LARGE1: variants seen among roughly 807,000 people sequenced by gnomAD.
LARGE1 encodes LARGE xylosyl- and glucuronyltransferase 1, also known as xylosyl- and glucuronyltransferase LARGE1.
LARGE1 carries 43 observed loss-of-function variants against 87.6 expected under a neutral mutation model. The ratio of observed to expected loss-of-function variants is 0.49; its 90% CI spans 0.38 to 0.63. The LOEUF is 0.63. Among genes scored for constraint, LARGE1 ranks in the 30% least tolerant of loss-of-function variants. The probability of loss-of-function intolerance (pLI) is 0.00; values close to 1 mark genes in which losing one functional copy is unlikely to be tolerated. For synonymous variants in LARGE1, 434 were observed against 394.6 expected (o/e 1.10, Z -1.18); for missense variants, 802 against 1,000.2 (o/e 0.80, Z 2.67).
At chr22:33,328,297 T>C (rs1937414819) in intron 10 of LARGE1, among the ~76,000 whole-genome samples, 1 of 152,154 alleles carries the variant, frequency 6.6e-6, no homozygotes, top group South Asian at 2.1e-4. Flanking sequence ...CTGTATAAAA[T>C]GGAGATAACA....
chr22:33,843,698 G>A (rs1239328466), intron 1 of LARGE1, among the ~76,000 whole-genome samples: 2 of 151,992 alleles, frequency 1.3e-5, no homozygotes, highest in African/African-American at 4.8e-5. Context: ...TTATCCTGCA[G>A]GTTTGAGTGC....
intron 6 of LARGE1, among the ~76,000 whole-genome samples, chr22:33,472,881 A>G (rs1445755026): frequency 6.6e-6 from 1 of 152,214 alleles, no homozygotes; most frequent in African/African-American, 2.4e-5. Flanking sequence ...GCAGCATCTG[A>G]GTCATCAAAC....
At chr22:33,676,372 C>CAAAA (rs10567981) in intron 2 of LARGE1, among the ~76,000 whole-genome samples, 210 of 16,328 alleles carry the variant, frequency 0.013, 46 homozygotes, top group Non-Finnish European at 0.022. Flanking sequence ...GATTCAATGG[C>CAAAA]AAAAAAAAAA....
chr22:33,200,874 A>G (rs1252580626), intron 11 of LARGE1, among the ~76,000 whole-genome samples: 1 of 152,230 alleles, frequency 6.6e-6, no homozygotes, highest in African/African-American at 2.4e-5. Flanking sequence ...ATATTCTGGA[A>G]TTAGACAGTG....
intron 3 of LARGE1, among the ~76,000 whole-genome samples, chr22:33,644,596 C>T (rs1321684192): frequency 2.0e-5 from 3 of 152,140 alleles, no homozygotes; most frequent in African/African-American, 7.2e-5. Flanking sequence ...AAAGGGTATT[C>T]AAACAGGAAG....
chr22:33,694,100 TGACATTAGC>T (rs1395231458), intron 2 of LARGE1, among the ~76,000 whole-genome samples: 1 of 152,166 alleles, frequency 6.6e-6, no homozygotes, highest in Non-Finnish European at 1.5e-5. Context: ...TTTTTCCTGG[TGACATTAGC>T]AGCTTGTCAA....
chr22:33,851,642 G>A lies in LARGE1; in HGVS notation c.-83+68353C>T, dbSNP rs184156172. Reference sequence around the variant, plus strand: ...GGGTTCATTGGTTCACTGCAGCAAGGTGGACACTACAACAGGCAGAATTTC... The same window carrying A: ...GGGTTCATTGGTTCACTGCAGCAAGATGGACACTACAACAGGCAGAATTTC... On this transcript the variant is annotated intron_variant, in intron 1 of 14. Coordinates refer to ENST00000397394, the MANE Select transcript of LARGE1 (RefSeq NM_133642.5). 9.8e-5 allele frequency among the ~76,000 whole-genome samples: 15 copies of A among 152,342 alleles called. No homozygotes were observed. The East Asian group carries it at 2.9e-3, about 29-fold the overall frequency.
intron 1 of LARGE1, among the ~76,000 whole-genome samples, chr22:33,785,423 A>G (rs73170589): frequency 0.27 from 41,516 of 151,824 alleles, 6,403 homozygotes; most frequent in South Asian, 0.41. Context: ...ATCTCACCCC[A>G]GGCCTGCCTG....
intron 11 of LARGE1, among the ~76,000 whole-genome samples, chr22:33,170,238 G>T (rs896420461): frequency 1.5e-4 from 23 of 151,704 alleles, no homozygotes; most frequent in Non-Finnish European, 2.8e-4. Context: ...GCATGGTGGT[G>T]CACATCTGTA....
Position 33,299,444 on chromosome 22 carries a change from C to A in LARGE1, c.1730+4785G>T, listed in dbSNP as rs114789654. On this transcript the variant is annotated intron_variant, in intron 12 of 14. Coordinates refer to ENST00000397394, the MANE Select transcript of LARGE1 (RefSeq NM_133642.5). ...CTGCCTGACACATAGTACATGCTCA[C>A]TACACAGTTTTTGAAAGAATGAGTA... Among the ~76,000 whole-genome samples the A allele has an allele frequency of 7.4e-3, 1,119 of 152,198 alleles. 18 individuals are homozygous for A. Among genetic ancestry groups the A allele is most frequent in the African/African-American group, 0.026 (1,075 of 41,498 alleles).
At chr22:33,079,010 G>A in the LARGE1 span, among the ~76,000 whole-genome samples, 1 of 152,158 alleles carries the variant, frequency 6.6e-6, no homozygotes. Flanking sequence ...ATGGATGCTG[G>A]AGCTGGATGG....
At chr22:33,070,277 A>G in the LARGE1 span, among the ~76,000 whole-genome samples, 4 of 152,190 alleles carry the variant, frequency 2.6e-5, no homozygotes, top group Admixed American at 1.3e-4. Flanking sequence ...TTCAGTAAAT[A>G]TTTGTTTAAT....
chr22:33,814,469 T>G (rs1260244971), intron 1 of LARGE1, among the ~76,000 whole-genome samples: 2 of 152,232 alleles, frequency 1.3e-5, no homozygotes, highest in East Asian at 1.9e-4. Flanking sequence ...GTAGTTATTT[T>G]GTAGATGTGG....
At chr22:33,530,871 TAAAAGA>T (rs2072163853) in intron 6 of LARGE1, among the ~76,000 whole-genome samples, 1 of 152,186 alleles carries the variant, frequency 6.6e-6, no homozygotes, top group South Asian at 2.1e-4. Flanking sequence ...TCTTTGCTAC[TAAAAGA>T]ACAGTATCTT....
In LARGE1 at chr22:33,274,446, G is replaced by C; in HGVS notation, c.2252C>G (p.Thr751Arg). ...RYGFAALKYL[T>R]AENNS The stretch of plus-strand genomic sequence containing the variant: ...TTGGTGCTAGCTGTTGTTCTCGGCT[G>C]TGAGATATTTCAGGGCAGCAAAGCC... Residue 751 changes from threonine to arginine, a missense_variant, in exon 15 of 15, where the codon ACA becomes AGA. Physicochemically the swap from Thr to Arg is moderately conservative, Grantham distance 71. This residue lies in a region of LARGE1 where 625 missense variants were observed against 841.9 expected (regional missense o/e 0.74). Coordinates refer to ENST00000397394, the MANE Select transcript of LARGE1 (RefSeq NM_133642.5). The C allele has an allele frequency of 6.2e-7, 1 of 1,614,226 alleles. No individual in the cohort carries two copies. The highest frequency in any genetic ancestry group is 8.5e-7 in the Non-Finnish European group (1 of 1,180,034).
chr22:33,263,849 T>G (rs1927780606), intron 11 of LARGE1, among the ~76,000 whole-genome samples: 1 of 152,236 alleles, frequency 6.6e-6, no homozygotes, highest in African/African-American at 2.4e-5. Context: ...CCATCAGGGA[T>G]GCAGAAGAGC....
chr22:33,708,113 T>C (rs955265857), intron 2 of LARGE1, among the ~76,000 whole-genome samples: 3 of 152,172 alleles, frequency 2.0e-5, no homozygotes, highest in Admixed American at 6.5e-5. Flanking sequence ...CTGTGTAGAA[T>C]GTCAGGCTCA....
At chr22:33,738,721 T>G (rs1280173738) in intron 2 of LARGE1, among the ~76,000 whole-genome samples, 1 of 151,948 alleles carries the variant, frequency 6.6e-6, no homozygotes, top group African/African-American at 2.4e-5. Flanking sequence ...GGCAGGAGCC[T>G]GTAGTCCCAG....
chr22:33,183,032 CA>C (rs1923256996), intron 11 of LARGE1, among the ~76,000 whole-genome samples: 1 of 151,982 alleles, frequency 6.6e-6, no homozygotes, highest in Admixed American at 6.6e-5. Flanking sequence ...AGGCAATCTA[CA>C]AAATGGGAGA....
Sources: allele counts gnomAD v4.1 joint callset (sites outside exome capture counted in the v4.1 genomes callset), GRCh38; gene constraint gnomAD v4.1.1; regional missense constraint gnomAD v4.1.1; transcripts MANE v1.5; gene names NCBI Gene and HGNC (gene_info 2026-07-23, HGNC 2026-07-21).